PLOD2: variants seen among roughly 807,000 people sequenced by gnomAD.
PLOD2 encodes lysine hydroxylase 2.
Under a neutral mutation model 101.0 loss-of-function variants are expected in PLOD2, and 65 were observed. The observed-to-expected ratio is 0.64, with a 90% confidence interval of 0.53 to 0.79. PLOD2 has a LOEUF of 0.79. PLOD2 is among the 30% of genes least tolerant of loss of function. The pLI, the probability that PLOD2 is intolerant of heterozygous loss-of-function variation, is 0.00. For synonymous variants in PLOD2, 314 were observed against 302.9 expected, an observed-to-expected ratio of 1.04 and a Z score of -0.38; for missense variants, 909 against 914.6, an observed-to-expected ratio of 0.99 and a Z score of 0.08.
intron 1 of PLOD2, among the ~76,000 whole-genome samples, chr3:146,150,338 C>T (rs1226108899): frequency 6.6e-6 from 1 of 152,034 alleles, no homozygotes; most frequent in Non-Finnish European, 1.5e-5. Context: ...AGAAAAGGGT[C>T]CCCAATTTTT....
Position 146,102,780 on chromosome 3 carries a change from G to T in PLOD2, c.752C>A (p.Ala251Glu). ...CTTGGTGGGTCCATTTCCATTAATT[G>T]CCACTGGTAATGTTTCATAAAATGT... ...KNTFYETLPV[A>E]INGNGPTKIL... The change falls in exon 7 of 20, where the codon GCA (alanine) becomes GAA (glutamate). Residue 251 changes from alanine (A) to glutamate (E), a missense_variant. By Grantham distance (107) the Ala-to-Glu change is moderately radical (BLOSUM62 -1). Coordinates refer to ENST00000282903, the MANE Select transcript of PLOD2 (RefSeq NM_182943.3). The T allele has an allele frequency of 6.3e-7, 1 of 1,596,292 alleles. No homozygotes were observed. The highest frequency in any genetic ancestry group is 8.6e-7 in the Non-Finnish European group (1 of 1,163,920).
intron 4 of PLOD2, among the ~76,000 whole-genome samples, chr3:146,109,461 A>ATATG (rs1311975013): frequency 6.6e-6 from 1 of 152,206 alleles, no homozygotes; most frequent in East Asian, 1.9e-4. Flanking sequence ...TAGAACCCAG[A>ATATG]TATGCTGCTA....
chr3:146,077,772 A>C, intron 14 of PLOD2, 90 bp downstream of exon 14: 1 of 724,874 alleles, frequency 1.4e-6, no homozygotes, highest in African/African-American at 1.8e-5. Flanking sequence ...CTAAATGCAA[A>C]TAAGGCCCTT....
chr3:146,157,660 A>T (rs559997622), intron 1 of PLOD2, among the ~76,000 whole-genome samples: 11 of 152,212 alleles, frequency 7.2e-5, no homozygotes, highest in Non-Finnish European at 1.6e-4. Flanking sequence ...CATGTGTTGG[A>T]TAGAAAAGGG....
At chr3:146,121,583 T>C (rs1227305596) in intron 2 of PLOD2, among the ~76,000 whole-genome samples, 1 of 152,096 alleles carries the variant, frequency 6.6e-6, no homozygotes, top group Non-Finnish European at 1.5e-5. Context: ...AAATTTCCCA[T>C]ATCACTTTTT....
At chr3:146,076,476 G>C (rs1482705057) in intron 15 of PLOD2, 2 of 205,252 alleles carry the variant, frequency 9.7e-6, no homozygotes, top group Admixed American at 1.1e-4. Flanking sequence ...TAATGGAATT[G>C]CTGGGTCAAA....
Position 146,119,091 on chromosome 3 carries a change from T to C in PLOD2, c.338+2021A>G, listed in dbSNP as rs143685828. On this transcript the variant is annotated intron_variant, in intron 3 of 19. Transcript: ENST00000282903. ...GGAGGTGGGGTTGGGTGGGAGGTGA[T>C]TGGATCATGAGGGCAGTTTCTAATG... is the stretch of plus-strand genomic sequence containing the variant. Among the ~76,000 whole-genome samples, 696 of 152,234 alleles carry C rather than the reference T, an allele frequency of 4.6e-3. 9 individuals carry two copies. Among genetic ancestry groups the C allele is most frequent in the African/African-American group, 0.016 (668 of 41,542 alleles).
intron 1 of PLOD2, among the ~76,000 whole-genome samples, chr3:146,131,506 A>G (rs2108109840): frequency 6.6e-6 from 1 of 152,360 alleles, no homozygotes; most frequent in South Asian, 2.1e-4. Flanking sequence ...AATGGATTCC[A>G]GAAAATAAGT....
At chr3:146,079,320 T>C in intron 12 of PLOD2, 63 bp from the exon 13 acceptor site, 1 of 1,287,604 alleles carries the variant, frequency 7.8e-7, no homozygotes, top group Non-Finnish European at 1.1e-6. Context: ...GTTTCATTTT[T>C]ACCTTTTTAA....
intron 1 of PLOD2, among the ~76,000 whole-genome samples, chr3:146,128,628 A>C (rs527500770): frequency 4.7e-4 from 71 of 152,222 alleles, no homozygotes; most frequent in South Asian, 8.3e-4. Context: ...TTCCCCAAAA[A>C]TCAAGAAGTC....
intron 12 of PLOD2, 34 bp from the exon 13 acceptor site, chr3:146,079,291 C>T (rs1559835683): frequency 2.0e-6 from 3 of 1,517,980 alleles, no homozygotes; most frequent in East Asian, 2.3e-5. Flanking sequence ...TTATATACCA[C>T]AAATACAAAC....
intron 1 of PLOD2, among the ~76,000 whole-genome samples, chr3:146,145,293 AC>A (rs1190829908): frequency 6.6e-6 from 1 of 152,168 alleles, no homozygotes; most frequent in African/African-American, 2.4e-5. Flanking sequence ...GACATAATAA[AC>A]CTAGATAGGC....
intron 1 of PLOD2, among the ~76,000 whole-genome samples, chr3:146,134,852 A>C (rs967648879): frequency 6.6e-6 from 1 of 152,186 alleles, no homozygotes; most frequent in Non-Finnish European, 1.5e-5. Flanking sequence ...GAGGTGCCTG[A>C]ATCAAGATAA....
chr3:146,075,487 T>TAAAAAA (rs35706246), intron 15 of PLOD2, among the ~76,000 whole-genome samples: 146 of 93,574 alleles, frequency 1.6e-3, no homozygotes, highest in Middle Eastern at 6.8e-3. Context: ...CTCAAATCTG[T>TAAAAAA]AAAAAAAAAA....
At chr3:146,105,627 T>A (rs1286752620) in intron 5 of PLOD2, among the ~76,000 whole-genome samples, 1 of 152,224 alleles carries the variant, frequency 6.6e-6, no homozygotes, top group Non-Finnish European at 1.5e-5. Context: ...CCAGAAAATG[T>A]GTTCTTTTAA....
intron 1 of PLOD2, among the ~76,000 whole-genome samples, chr3:146,125,676 G>A (rs1399053879): frequency 6.6e-6 from 1 of 152,086 alleles, no homozygotes; most frequent in Non-Finnish European, 1.5e-5. Context: ...GAACTCGGGG[G>A]GCGGAGATGG....
intron 3 of PLOD2, among the ~76,000 whole-genome samples, chr3:146,112,849 C>CAAAAAAA (rs201790733): frequency 1.1e-5 from 1 of 92,124 alleles, no homozygotes; most frequent in African/African-American, 5.2e-5. Flanking sequence ...GACTTGGTCT[C>CAAAAAAA]AAAAAAAAAA....
intron 15 of PLOD2, chr3:146,075,875 T>C (rs1250440559): frequency 2.0e-5 from 3 of 151,822 alleles, no homozygotes; most frequent in African/African-American, 4.8e-5. Context: ...AGTTTAGATC[T>C]ACTCTATAGA....
At chr3:146,131,039 A>G (rs2030878911) in intron 1 of PLOD2, among the ~76,000 whole-genome samples, 1 of 152,158 alleles carries the variant, frequency 6.6e-6, no homozygotes, top group Non-Finnish European at 1.5e-5. Context: ...GGGTGCTTGA[A>G]ATTTTGGTAC....
Sources: gnomAD v4.1 joint callset for allele counts (sites outside exome capture counted in the v4.1 genomes callset) on GRCh38, gnomAD v4.1.1 for gene constraint, MANE v1.5 for transcripts, NCBI Gene and HGNC (gene_info 2026-07-23, HGNC 2026-07-21) for gene names.